PTBP3: variants seen among roughly 807,000 people sequenced by gnomAD.
The protein encoded by PTBP3 is polypyrimidine tract binding protein 3.
Under a neutral mutation model 58.7 loss-of-function variants are expected in PTBP3, and 20 were observed. That is an observed-to-expected ratio of 0.34 (90% CI 0.24 to 0.50). The LOEUF (loss-of-function observed/expected upper bound fraction) is 0.50, where lower values mean the gene tolerates loss of function less well. PTBP3 is among the 20% of genes least tolerant of loss of function. The pLI is 0.98. For synonymous variants in PTBP3, 185 were observed against 219.8 expected (o/e 0.84, Z 1.40); for missense variants, 509 against 637.2 (o/e 0.80, Z 2.17).
rs1215760456 is a variant in PTBP3, at chr9:112,276,489, A to C, written c.35-476T>G. ...TGGATTTGAATTGTATATTTATTAA[A>C]ATAAAGTTTATTTCTTGGGTGCTAA... On this transcript the variant is annotated intron_variant, in intron 2 of 13. Transcript: ENST00000374257. Among the ~76,000 whole-genome samples the C allele has an allele frequency of 3.9e-5, 6 of 152,248 alleles. No individual in the cohort carries two copies. The East Asian group carries it at 1.2e-3, about 30-fold the overall frequency.
chr9:112,333,857 G>GGC (rs1054718803), upstream of PTBP3, among the ~76,000 whole-genome samples: 19 of 148,272 alleles, frequency 1.3e-4, no homozygotes, highest in African/African-American at 4.4e-4. Context: ...CCCTCGGCCC[G>GGC]GCGCGCGCGC....
chr9:112,343,021 T>C, the PTBP3 span, among the ~76,000 whole-genome samples: 11 of 152,038 alleles, frequency 7.2e-5, no homozygotes, highest in African/African-American at 2.2e-4. Context: ...CTAGACACCA[T>C]TGGCTGATAA....
At chr9:112,271,438 A>G (rs1163577322) in intron 3 of PTBP3, among the ~76,000 whole-genome samples, 4 of 152,202 alleles carry the variant, frequency 2.6e-5, no homozygotes, top group African/African-American at 9.7e-5. Flanking sequence ...TCATAAAATA[A>G]AGACAGGCGT....
chr9:112,234,199 T>G (rs1191475660), intron 8 of PTBP3, among the ~76,000 whole-genome samples: 2 of 152,206 alleles, frequency 1.3e-5, no homozygotes, highest in Non-Finnish European at 2.9e-5. Flanking sequence ...ATCAAATTCA[T>G]TTTGTTTACT....
chr9:112,361,788 CAAGT>C, the PTBP3 span, among the ~76,000 whole-genome samples: 56 of 152,296 alleles, frequency 3.7e-4, no homozygotes, highest in African/African-American at 1.3e-3. Flanking sequence ...CGGGAACTAG[CAAGT>C]GTGTTTAACC....
At chr9:112,331,741 C>G (rs1159481437) in intron 1 of PTBP3, among the ~76,000 whole-genome samples, 1 of 152,186 alleles carries the variant, frequency 6.6e-6, no homozygotes, top group Admixed American at 6.5e-5. Context: ...CATATTCAAA[C>G]CAATAAACCC....
At chr9:112,367,208 T>C in the PTBP3 span, among the ~76,000 whole-genome samples, 1,756 of 152,322 alleles carry the variant, frequency 0.012, 33 homozygotes, top group African/African-American at 0.04. Context: ...TATATTTTAA[T>C]ACATAAAAAA....
chr9:112,320,804 T>C (rs1422268168), intron 1 of PTBP3, among the ~76,000 whole-genome samples: 2 of 152,166 alleles, frequency 1.3e-5, no homozygotes, highest in Non-Finnish European at 2.9e-5. Context: ...AGGAAAATCT[T>C]TTCAACAAAT....
At chr9:112,254,834 G>C (rs1836279845) in intron 5 of PTBP3, among the ~76,000 whole-genome samples, 1 of 152,046 alleles carries the variant, frequency 6.6e-6, no homozygotes, top group Non-Finnish European at 1.5e-5. Context: ...ATTAAAAATA[G>C]AATTACCATA....
chr9:112,255,493 G>A (rs1344655825), intron 5 of PTBP3, among the ~76,000 whole-genome samples: 1 of 152,088 alleles, frequency 6.6e-6, no homozygotes, highest in Middle Eastern at 3.2e-3. Context: ...TTAAAAAAAA[G>A]GTTGGGGGTG....
the PTBP3 span, chr9:112,379,852 A>ATT: frequency 1.9e-6 from 1 of 517,926 alleles, no homozygotes; most frequent in Non-Finnish European, 3.4e-6. Flanking sequence ...CTAGGCGCCG[A>ATT]CAGGAGCCTG....
chr9:112,261,305 G>A (rs1366933194), intron 5 of PTBP3, among the ~76,000 whole-genome samples: 3 of 152,158 alleles, frequency 2.0e-5, no homozygotes, highest in South Asian at 2.1e-4. Context: ...AACCCAGTAC[G>A]CCTACTCAAT....
At chr9:112,295,218 G>A (rs946913768) in intron 2 of PTBP3, among the ~76,000 whole-genome samples, 2 of 149,322 alleles carry the variant, frequency 1.3e-5, no homozygotes, top group East Asian at 1.9e-4. Context: ...CAGCCTGGGC[G>A]AGACAGAGCA....
intron 2 of PTBP3, among the ~76,000 whole-genome samples, chr9:112,282,301 A>C (rs1481301849): frequency 6.6e-6 from 1 of 152,110 alleles, no homozygotes; most frequent in Admixed American, 6.5e-5. Flanking sequence ...TATTATTACT[A>C]ATTTTATTTA....
At chr9:112,356,796 G>GCGCA in the PTBP3 span, among the ~76,000 whole-genome samples, 79 of 62,548 alleles carry the variant, frequency 1.3e-3, no homozygotes, top group African/African-American at 3.4e-3. Flanking sequence ...TTGCGTGTGC[G>GCGCA]CACACACACA....
At chr9:112,255,229 G>A (rs999959233) in intron 5 of PTBP3, among the ~76,000 whole-genome samples, 7 of 152,100 alleles carry the variant, frequency 4.6e-5, no homozygotes, top group Non-Finnish European at 8.8e-5. Flanking sequence ...AAAGAGTTCC[G>A]TTTAATGGGT....
chr9:112,278,016 A>C (rs1827701269), intron 2 of PTBP3, among the ~76,000 whole-genome samples: 1 of 151,972 alleles, frequency 6.6e-6, no homozygotes. Context: ...CAAAAACCTA[A>C]ACAGGCACCA....
chr9:112,342,032 C>A, the PTBP3 span, among the ~76,000 whole-genome samples: 1 of 152,038 alleles, frequency 6.6e-6, no homozygotes, highest in Non-Finnish European at 1.5e-5. Context: ...CTGCCCTCAC[C>A]CAATGTGGGC....
At chr9:112,255,433 T>C (rs934233656) in intron 5 of PTBP3, among the ~76,000 whole-genome samples, 2 of 152,190 alleles carry the variant, frequency 1.3e-5, no homozygotes, top group Admixed American at 1.3e-4. Flanking sequence ...GTATGTATTA[T>C]ACATGCAGCA....
Sources: gnomAD v4.1 joint callset for allele counts (sites outside exome capture counted in the v4.1 genomes callset) on GRCh38, gnomAD v4.1.1 for gene constraint, MANE v1.5 for transcripts, NCBI Gene and HGNC (gene_info 2026-07-23, HGNC 2026-07-21) for gene names.